UBE2G1: variants seen among roughly 807,000 people sequenced by gnomAD.
UBE2G1 encodes ubiquitin-conjugating enzyme E2 G1.
A neutral mutation model predicts 22.7 loss-of-function variants in UBE2G1; 5 were observed. The observed-to-expected ratio is 0.22, with a 90% confidence interval of 0.12 to 0.46. UBE2G1 has a LOEUF of 0.46. Among genes scored for constraint, UBE2G1 ranks in the 20% least tolerant of loss-of-function variants. The pLI is 0.99. For missense variants in UBE2G1, 88 were observed against 203.9 expected (o/e 0.43, Z 3.46); for synonymous variants, 74 against 67.5 (o/e 1.10, Z -0.47).
intron 1 of UBE2G1, 73 bp from the exon 2 acceptor site, chr17:4,307,196 T>C (rs1969258070): frequency 7.9e-7 from 1 of 1,260,540 alleles, no homozygotes; most frequent in Admixed American, 1.8e-5. Context: ...TTACAGAACT[T>C]GAGCGTACAT....
chr17:4,269,793 A>G lies in UBE2G1; in HGVS notation c.*2761T>C. On this transcript the variant is annotated 3_prime_UTR_variant, in exon 6 of 6. Coordinates refer to ENST00000396981, the MANE Select transcript of UBE2G1 (RefSeq NM_003342.5). ...GAAACAGCCAACAGTTCTACAATCC[A>G]TAAGATCTATGGAGATGTTGTTGAT... is the stretch of plus-strand genomic sequence containing the variant. 5.4e-6 allele frequency: 1 copy of G among 185,414 alleles called. No homozygotes were observed. Among genetic ancestry groups the G allele is most frequent in the South Asian group, 1.4e-4 (1 of 6,992 alleles). The allele number at this position is 185,414 out of a possible 1,614,324, so 11.5% of individuals were successfully genotyped here. A position where few individuals can be genotyped will look rare whatever the true frequency, so the allele number is the denominator to read the frequency against.
chr17:4,353,418 C>T (rs1443933766), intron 1 of UBE2G1, among the ~76,000 whole-genome samples: 3 of 149,756 alleles, frequency 2.0e-5, no homozygotes, highest in South Asian at 2.1e-4. Context: ...TGTCGATCAA[C>T]GAAACCCCAT....
At chr17:4,301,494 C>A in intron 2 of UBE2G1, 1 of 895,854 alleles carries the variant, frequency 1.1e-6, no homozygotes, top group Non-Finnish European at 1.9e-6. Context: ...CCTTCAGACT[C>A]AGGATAAACG....
intron 4 of UBE2G1, among the ~76,000 whole-genome samples, chr17:4,285,608 G>A: frequency 6.6e-6 from 1 of 152,186 alleles, no homozygotes; most frequent in African/African-American, 2.4e-5. Flanking sequence ...CAGTGAAGGG[G>A]TAATCTGAGC....
chr17:4,269,538 A>G lies in UBE2G1; in HGVS notation c.*3016T>C, dbSNP rs1001206151. On this transcript the variant is annotated 3_prime_UTR_variant, in exon 6 of 6. Transcript: ENST00000396981. ...GCAGATTCGTCGAGGGTGAGTGGGC[A>G]TATCAAATAAAATCTCACAACCAAG... The G allele has an allele frequency of 1.1e-5, 2 of 186,216 alleles. No homozygotes were observed. The highest frequency in any genetic ancestry group is 2.3e-5 in the Non-Finnish European group (2 of 88,764). 11.5% of individuals were successfully genotyped at this position (186,216 alleles called of 1,614,324 possible). A position where few individuals can be genotyped will look rare whatever the true frequency, so the allele number is the denominator to read the frequency against.
chr17:4,317,439 A>G (rs150603795), intron 1 of UBE2G1, among the ~76,000 whole-genome samples: 1 of 152,294 alleles, frequency 6.6e-6, no homozygotes, highest in East Asian at 1.9e-4. Context: ...GGACTGCTTG[A>G]GCCTGGGAAG....
intron 1 of UBE2G1, among the ~76,000 whole-genome samples, chr17:4,330,975 A>AT (rs1969569128): frequency 1.5e-5 from 1 of 67,882 alleles, no homozygotes. Context: ...AACCTTTAAA[A>AT]CCACACACAC....
intron 1 of UBE2G1, among the ~76,000 whole-genome samples, chr17:4,343,732 G>A (rs1403957725): frequency 6.6e-6 from 1 of 151,900 alleles, no homozygotes; most frequent in Non-Finnish European, 1.5e-5. Context: ...GGGACTACTG[G>A]CGCCCACCAC....
chr17:4,351,262 C>T (rs1969842125), intron 1 of UBE2G1, among the ~76,000 whole-genome samples: 2 of 152,138 alleles, frequency 1.3e-5, no homozygotes, highest in Admixed American at 1.3e-4. Context: ...CACAGTTCTT[C>T]TGTGTATCTG....
chr17:4,329,029 C>A (rs895254674), intron 1 of UBE2G1, among the ~76,000 whole-genome samples: 12 of 150,314 alleles, frequency 8.0e-5, no homozygotes, highest in African/African-American at 2.7e-4. Context: ...TGGCGTGAAC[C>A]CGGGAGGTGG....
intron 1 of UBE2G1, among the ~76,000 whole-genome samples, chr17:4,326,073 C>CT (rs1969501636): frequency 1.3e-5 from 2 of 152,012 alleles, no homozygotes; most frequent in Admixed American, 1.3e-4. Context: ...AACTCTTGGA[C>CT]ATGACACCAA....
chr17:4,359,452 G>T (rs953531156), intron 1 of UBE2G1, among the ~76,000 whole-genome samples: 2 of 152,158 alleles, frequency 1.3e-5, no homozygotes, highest in African/African-American at 4.8e-5. Context: ...TTAACTTGTT[G>T]CAAATCTAGA....
chr17:4,289,502 C>A, intron 3 of UBE2G1, 94 bp from the exon 4 acceptor site: 1 of 1,315,478 alleles, frequency 7.6e-7, no homozygotes, highest in Non-Finnish European at 1.0e-6. Context: ...CACACAGTAC[C>A]TTTATCAAAC....
intron 1 of UBE2G1, among the ~76,000 whole-genome samples, chr17:4,339,363 G>A (rs1359011706): frequency 1.3e-5 from 2 of 151,578 alleles, no homozygotes; most frequent in South Asian, 4.2e-4. Flanking sequence ...GGAGTGCAGT[G>A]GTGCGATCTT....
intron 1 of UBE2G1, among the ~76,000 whole-genome samples, chr17:4,347,775 C>T (rs1043953115): frequency 6.6e-6 from 1 of 152,138 alleles, no homozygotes; most frequent in Non-Finnish European, 1.5e-5. Flanking sequence ...CGCGCCTGGC[C>T]AGTTTTTTTC....
chr17:4,338,011 AT>A, intron 1 of UBE2G1, among the ~76,000 whole-genome samples: 1 of 152,232 alleles, frequency 6.6e-6, no homozygotes, highest in African/African-American at 2.4e-5. Context: ...TCTACTAAAA[AT>A]ACAAAAAATT....
At chr17:4,329,220 G>A (rs1468147572) in intron 1 of UBE2G1, among the ~76,000 whole-genome samples, 1 of 150,904 alleles carries the variant, frequency 6.6e-6, no homozygotes, top group Non-Finnish European at 1.5e-5. Context: ...GCAACATGGT[G>A]AAACCCCGTC....
rs558626776 is a variant in UBE2G1, at chr17:4,269,595, G to A, written c.*2959C>T. 108 of 186,250 alleles carry A rather than the reference G, an allele frequency of 5.8e-4. No homozygotes were observed. The highest frequency in any genetic ancestry group is 1.0e-3 in the Non-Finnish European group (89 of 88,764). The allele number at this position is 186,250 out of a possible 1,614,324, so 11.5% of individuals were successfully genotyped here. A position where few individuals can be genotyped will look rare whatever the true frequency, so the allele number is the denominator to read the frequency against. On this transcript the variant is annotated 3_prime_UTR_variant, in exon 6 of 6. Transcript: ENST00000396981. The stretch of plus-strand genomic sequence containing the variant: ...GGCCGTTAAAGATACTGACACCCAC[G>A]TGATCACAGTACTAGTGGAATAACC...
intron 3 of UBE2G1, among the ~76,000 whole-genome samples, chr17:4,289,820 C>A (rs1445478947): frequency 6.6e-6 from 1 of 152,216 alleles, no homozygotes. Flanking sequence ...AGTTTCCCCA[C>A]TAACTTACCG....
Sources: gnomAD v4.1 joint callset for allele counts (sites outside exome capture counted in the v4.1 genomes callset) on GRCh38, gnomAD v4.1.1 for gene constraint, MANE v1.5 for transcripts, NCBI Gene and HGNC (gene_info 2026-07-23, HGNC 2026-07-21) for gene names.